The following LOC128462377 variants were observed in gnomAD, a reference collection of about 807,000 sequenced individuals.
chr16:89,415,829 CAAAAAAAAAA>C, the LOC128462377 span, among the ~76,000 whole-genome samples: 7 of 39,744 alleles, frequency 1.8e-4, no homozygotes, highest in South Asian at 1.2e-3. Flanking sequence ...GACTCTGTCT[CAAAAAAAAAA>C]AAAAAAAAAA....
the LOC128462377 span, among the ~76,000 whole-genome samples, chr16:89,349,103 G>C: frequency 3.0e-5 from 3 of 101,228 alleles, no homozygotes; most frequent in Admixed American, 1.3e-4. Context: ...ACTCTAGCCT[G>C]GGGGACAGAG....
At chr16:89,405,817 T>G in the LOC128462377 span, among the ~76,000 whole-genome samples, 1 of 152,088 alleles carries the variant, frequency 6.6e-6, no homozygotes, top group South Asian at 2.1e-4. Context: ...TCACAAAGGA[T>G]GCACTGCAGT....
At chr16:89,388,456 G>A in the LOC128462377 span, among the ~76,000 whole-genome samples, 2 of 151,968 alleles carry the variant, frequency 1.3e-5, no homozygotes, top group South Asian at 2.1e-4. Context: ...TTAATGTCTT[G>A]AAAATCGACA....
chr16:89,381,353 A>AGG, the LOC128462377 span, among the ~76,000 whole-genome samples: 1 of 56,656 alleles, frequency 1.8e-5, no homozygotes, highest in African/African-American at 5.0e-5. Flanking sequence ...AAAAAAAAAA[A>AGG]AGGGGTGAGA....
the LOC128462377 span, chr16:89,323,980 T>C: frequency 4.6e-6 from 1 of 219,292 alleles, no homozygotes; most frequent in Non-Finnish European, 9.2e-6. Flanking sequence ...CACCCCAAAA[T>C]TCACAGGTTC....
At chr16:89,377,753 G>T in the LOC128462377 span, among the ~76,000 whole-genome samples, 1 of 152,140 alleles carries the variant, frequency 6.6e-6, no homozygotes, top group Non-Finnish European at 1.5e-5. Context: ...AAAGCCAACA[G>T]TGAGGGAGGA....
chr16:89,346,647 G>A, the LOC128462377 span, among the ~76,000 whole-genome samples: 1 of 152,152 alleles, frequency 6.6e-6, no homozygotes, highest in South Asian at 2.1e-4. Flanking sequence ...GGATGAGGGA[G>A]GAGGGAAACC....
At chr16:89,368,693 A>T in the LOC128462377 span, among the ~76,000 whole-genome samples, 1 of 151,740 alleles carries the variant, frequency 6.6e-6, no homozygotes, top group Non-Finnish European at 1.5e-5. Context: ...TAATTGCTTC[A>T]GCCCAGGAGC....
At chr16:89,357,215 TGA>T in the LOC128462377 span, among the ~76,000 whole-genome samples, 1 of 151,520 alleles carries the variant, frequency 6.6e-6, no homozygotes, top group South Asian at 2.1e-4. Context: ...GGGGGCGGGG[TGA>T]GTCAGCTTCA....
the LOC128462377 span, among the ~76,000 whole-genome samples, chr16:89,410,231 G>A: frequency 6.6e-6 from 1 of 152,126 alleles, no homozygotes; most frequent in African/African-American, 2.4e-5. Flanking sequence ...CGGTGGGTAC[G>A]GCCCTTTGAG....
chr16:89,355,545 T>A, the LOC128462377 span, among the ~76,000 whole-genome samples: 1 of 152,046 alleles, frequency 6.6e-6, no homozygotes, highest in Non-Finnish European at 1.5e-5. Flanking sequence ...CTCTGAACGC[T>A]CTCTCTTCCA....
At chr16:89,382,656 C>T in the LOC128462377 span, among the ~76,000 whole-genome samples, 2 of 151,894 alleles carry the variant, frequency 1.3e-5, no homozygotes, top group Non-Finnish European at 2.9e-5. Flanking sequence ...ACAATTCCCC[C>T]CCTCCAGTAG....
At chr16:89,338,552 C>A in the LOC128462377 span, among the ~76,000 whole-genome samples, 1 of 151,344 alleles carries the variant, frequency 6.6e-6, no homozygotes, top group East Asian at 1.9e-4. Flanking sequence ...AACATGATGA[C>A]TGTCTCTACT....
At chr16:89,346,088 A>AC in the LOC128462377 span, among the ~76,000 whole-genome samples, 2 of 143,446 alleles carry the variant, frequency 1.4e-5, no homozygotes, top group Admixed American at 6.9e-5. Flanking sequence ...CTAACAACAC[A>AC]AAAAAAAAAA....
chr16:89,417,701 G>C, the LOC128462377 span, among the ~76,000 whole-genome samples: 1 of 152,134 alleles, frequency 6.6e-6, no homozygotes, highest in Non-Finnish European at 1.5e-5. Context: ...AGCCCGGCGA[G>C]ACCACCAGGA....
the LOC128462377 span, among the ~76,000 whole-genome samples, chr16:89,365,113 C>G: frequency 6.6e-6 from 1 of 152,276 alleles, no homozygotes; most frequent in South Asian, 2.1e-4. Context: ...ACTCTCCTTC[C>G]CTTATGACAG....
the LOC128462377 span, among the ~76,000 whole-genome samples, chr16:89,364,296 G>C: frequency 1.3e-5 from 2 of 152,136 alleles, no homozygotes; most frequent in Admixed American, 6.5e-5. Flanking sequence ...AGTGATCCCA[G>C]GTATGACCAG....
chr16:89,356,634 AG>A, the LOC128462377 span, among the ~76,000 whole-genome samples: 1 of 148,448 alleles, frequency 6.7e-6, no homozygotes, highest in African/African-American at 2.5e-5. Context: ...AAAAAAAATT[AG>A]CCAGGCGTGG....
chr16:89,406,335 C>T, the LOC128462377 span, among the ~76,000 whole-genome samples: 1 of 152,114 alleles, frequency 6.6e-6, no homozygotes, highest in Non-Finnish European at 1.5e-5. Context: ...CAGGTCACGG[C>T]GGGCACGGGA....
Sources: allele counts gnomAD v4.1 joint callset (sites outside exome capture counted in the v4.1 genomes callset), GRCh38; gene constraint gnomAD v4.1.1; transcripts MANE v1.5.